The following OMA1 variants were observed in gnomAD, a reference collection of about 807,000 sequenced individuals.
OMA1 encodes metalloendopeptidase OMA1, mitochondrial.
OMA1 carries 38 observed loss-of-function variants against 30.9 expected under a neutral mutation model. The observed-to-expected ratio is 1.23, with a 90% CI of 0.95 to 1.61. OMA1 has a LOEUF of 1.61. OMA1 is among the 40% of genes most tolerant of loss of function. The pLI is 0.00. For missense variants in OMA1, 461 were observed against 349.2 expected (o/e 1.32, Z -2.55); for synonymous variants, 173 against 121.9 (o/e 1.42, Z -2.76).
At chr1:58,523,994 T>G (rs549944354) in intron 7 of OMA1, among the ~76,000 whole-genome samples, 4 of 152,340 alleles carry the variant, frequency 2.6e-5, no homozygotes, top group Admixed American at 2.0e-4. Flanking sequence ...AAAAGCGTTC[T>G]CATTGTGTAG....
At chr1:58,541,107 C>T (rs574687858) in intron 1 of OMA1, among the ~76,000 whole-genome samples, 4 of 4,584 alleles carry the variant, frequency 8.7e-4, no homozygotes, top group South Asian at 0.12. Context: ...GTCAGGCATT[C>T]GAGGCGTGAA....
intron 5 of OMA1, 34 bp from the exon 6 acceptor site, chr1:58,530,763 T>C: frequency 1.2e-6 from 1 of 862,294 alleles, no homozygotes; most frequent in Non-Finnish European, 2.0e-6. Flanking sequence ...AACTACATTT[T>C]ATACATTGAG....
At chr1:58,487,845 C>T (rs1415050453) in intron 8 of OMA1, among the ~76,000 whole-genome samples, 1 of 151,756 alleles carries the variant, frequency 6.6e-6, no homozygotes, top group African/African-American at 2.4e-5. Flanking sequence ...TATTAATTAA[C>T]ATTATCTAAC....
chr1:58,536,104 CAG>C (rs1399500876), intron 3 of OMA1, among the ~76,000 whole-genome samples: 2 of 151,956 alleles, frequency 1.3e-5, no homozygotes, highest in Middle Eastern at 3.2e-3. Context: ...AGGAAAAGTA[CAG>C]TATGCAGAGA....
chr1:58,483,430 T>C (rs1487773620), intron 8 of OMA1, among the ~76,000 whole-genome samples: 1 of 152,112 alleles, frequency 6.6e-6, no homozygotes, highest in Admixed American at 6.5e-5. Flanking sequence ...GGCAGAAGCT[T>C]GGGTCTAGGA....
chr1:58,509,424 A>T (rs897098398), intron 7 of OMA1, among the ~76,000 whole-genome samples: 1 of 151,632 alleles, frequency 6.6e-6, no homozygotes, highest in African/African-American at 2.4e-5. Context: ...AAAAAAAACC[A>T]AAAAGAAAAT....
At chr1:58,527,417 C>A in intron 6 of OMA1, 82 bp from the exon 7 acceptor site, 2 of 748,860 alleles carry the variant, frequency 2.7e-6, no homozygotes, top group Non-Finnish European at 4.8e-6. Flanking sequence ...TTTTAAAAAA[C>A]AGTTTCATGG....
rs534314534 is a variant in OMA1, at chr1:58,488,666, G to C, written c.1366-7492C>G. ...AGGGTTTCTCCATGTTGGTCAGGCT[G>C]GTCTTGAACTCCCGACCTCAGGTAT... On this transcript the variant is annotated intron_variant, in intron 8 of 8. Coordinates refer to ENST00000371226, the MANE Select transcript of OMA1 (RefSeq NM_145243.5). Among the ~76,000 whole-genome samples the C allele has an allele frequency of 5.9e-5, 9 of 152,252 alleles. No homozygotes were observed. The East Asian group carries it at 1.7e-3, about 29-fold the overall frequency.
At chr1:58,539,904 A>G (rs1006485200) in intron 1 of OMA1, among the ~76,000 whole-genome samples, 1 of 152,226 alleles carries the variant, frequency 6.6e-6, no homozygotes, top group Non-Finnish European at 1.5e-5. Flanking sequence ...TAGAGCTCAC[A>G]GGACAGAGGA....
rs1189851029 is a variant in OMA1 at position 58,527,255 on chromosome 1, C to T, written c.1215+6G>A. 2 of 872,068 alleles carry T rather than the reference C, an allele frequency of 2.3e-6. No individual in the cohort carries two copies. The highest frequency in any genetic ancestry group is 4.0e-6 in the Non-Finnish European group (2 of 501,156). 54.0% of individuals were successfully genotyped at this position (872,068 alleles called of 1,614,324 possible). A position where few individuals can be genotyped will look rare whatever the true frequency, so the allele number is the denominator to read the frequency against. ...ATTATGTATTCTCAACTACTAAACA[C>T]TTTACCTTTGCAGCAAGCAGTAGTC... On this transcript the variant is annotated splice_donor_region_variant and intron_variant, in intron 7 of 8. Coordinates refer to ENST00000371226, the MANE Select transcript of OMA1 (RefSeq NM_145243.5).
At chr1:58,540,631 A>C (rs1037769868) in intron 1 of OMA1, among the ~76,000 whole-genome samples, 3 of 150,542 alleles carry the variant, frequency 2.0e-5, no homozygotes, top group African/African-American at 7.4e-5. Flanking sequence ...CAGCAGATTA[A>C]CATTGTAGAA....
At chr1:58,529,527 T>G (rs1204828020) in intron 6 of OMA1, among the ~76,000 whole-genome samples, 1 of 152,234 alleles carries the variant, frequency 6.6e-6, no homozygotes, top group East Asian at 1.9e-4. Context: ...CTAGTAAGAC[T>G]TTCCTTTCAG....
chr1:58,503,869 C>T (rs1645946139), intron 8 of OMA1, among the ~76,000 whole-genome samples: 2 of 152,154 alleles, frequency 1.3e-5, no homozygotes, highest in East Asian at 3.9e-4. Flanking sequence ...GTTAAGAAGC[C>T]ATGCTTGGCT....
At chr1:58,540,666 G>GT (rs905772224) in intron 1 of OMA1, among the ~76,000 whole-genome samples, 18 of 149,226 alleles carry the variant, frequency 1.2e-4, no homozygotes, top group African/African-American at 4.2e-4. Context: ...CTTTGAAGAC[G>GT]TATCAATAGA....
intron 1 of OMA1, among the ~76,000 whole-genome samples, chr1:58,540,815 GA>G (rs147800455): frequency 2.1e-5 from 3 of 142,786 alleles, no homozygotes; most frequent in South Asian, 2.2e-4. Flanking sequence ...GGTGTAGACA[GA>G]AAAAAAAAAC....
intron 8 of OMA1, among the ~76,000 whole-genome samples, chr1:58,483,689 C>T (rs1472680935): frequency 6.6e-6 from 1 of 152,118 alleles, no homozygotes; most frequent in Non-Finnish European, 1.5e-5. Context: ...AAGTCAGATC[C>T]TCAGCTAAAC....
At chr1:58,501,291 A>C (rs1444869456) in intron 8 of OMA1, among the ~76,000 whole-genome samples, 1 of 152,232 alleles carries the variant, frequency 6.6e-6, no homozygotes, top group Non-Finnish European at 1.5e-5. Context: ...CTTGACTTAA[A>C]GCAAGAAAGG....
chr1:58,512,327 T>C (rs1367914216), intron 7 of OMA1, among the ~76,000 whole-genome samples: 2 of 152,172 alleles, frequency 1.3e-5, no homozygotes, highest in Non-Finnish European at 1.5e-5. Flanking sequence ...GTGGACTTTA[T>C]GAAAAACAAT....
chr1:58,507,848 A>G (rs1163364091), intron 7 of OMA1, among the ~76,000 whole-genome samples: 1 of 152,186 alleles, frequency 6.6e-6, no homozygotes. Flanking sequence ...TTCTTCTCAA[A>G]TAATTCATAA....
Sources: gnomAD v4.1 joint callset for allele counts (sites outside exome capture counted in the v4.1 genomes callset) on GRCh38, gnomAD v4.1.1 for gene constraint, MANE v1.5 for transcripts, NCBI Gene and HGNC (gene_info 2026-07-23, HGNC 2026-07-21) for gene names.